ANXA8: variants seen among roughly 807,000 people sequenced by gnomAD.
The protein encoded by ANXA8 is annexin A8.
A neutral mutation model predicts 26.8 loss-of-function variants in ANXA8; 9 were observed. The ratio of observed to expected loss-of-function variants is 0.34; its 90% CI spans 0.20 to 0.59. The LOEUF (loss-of-function observed/expected upper bound fraction) is 0.59. Ranked by LOEUF, ANXA8 falls within the 20% of genes least tolerant of loss-of-function variation. The pLI is 0.84. For synonymous variants in ANXA8, 39 were observed against 94.8 expected (o/e 0.41, Z 3.42); for missense variants, 83 against 238.5 (o/e 0.35, Z 4.29).
chr10:47,554,162 G>A, the ANXA8 span, among the ~76,000 whole-genome samples: 1 of 59,392 alleles, frequency 1.7e-5, no homozygotes, highest in Admixed American at 1.9e-4. Context: ...TAAAGCCAGC[G>A]TCGTGGCAGG....
At chr10:47,737,308 G>A in the ANXA8 span, among the ~76,000 whole-genome samples, 2,146 of 151,404 alleles carry the variant, frequency 0.014, 37 homozygotes, top group African/African-American at 0.048. Flanking sequence ...ATTTATGATT[G>A]TTATATTTGT....
chr10:47,988,916 C>T, the ANXA8 span, among the ~76,000 whole-genome samples: 10 of 151,950 alleles, frequency 6.6e-5, no homozygotes, highest in Non-Finnish European at 1.3e-4. Flanking sequence ...TTGTGCTCAT[C>T]GGTGTCCACA....
At chr10:47,706,715 C>T in the ANXA8 span, 1 of 1,480,692 alleles carries the variant, frequency 6.8e-7, no homozygotes, top group Non-Finnish European at 9.2e-7. Flanking sequence ...AAAAAATGGA[C>T]GGGGGCAGCT....
chr10:47,704,659 A>G, the ANXA8 span, among the ~76,000 whole-genome samples: 1 of 151,850 alleles, frequency 6.6e-6, no homozygotes, highest in East Asian at 1.9e-4. Flanking sequence ...CAAACAAATT[A>G]TCAGAAATAA....
chr10:47,655,624 T>A, the ANXA8 span, among the ~76,000 whole-genome samples: 1 of 151,926 alleles, frequency 6.6e-6, no homozygotes, highest in East Asian at 1.9e-4. Context: ...GAGGAGCAGT[T>A]GCTGGGTATG....
At chr10:47,674,649 A>C in the ANXA8 span, among the ~76,000 whole-genome samples, 10 of 151,730 alleles carry the variant, frequency 6.6e-5, no homozygotes, top group African/African-American at 2.2e-4. Flanking sequence ...ACCCCTCCTC[A>C]AGGGCAAAGT....
At chr10:47,632,475 C>G in the ANXA8 span, among the ~76,000 whole-genome samples, 3 of 147,010 alleles carry the variant, frequency 2.0e-5, no homozygotes, top group Non-Finnish European at 4.4e-5. Context: ...TTCAAATAAT[C>G]AGTAAAGTTT....
At chr10:47,655,459 G>A in the ANXA8 span, among the ~76,000 whole-genome samples, 12 of 151,882 alleles carry the variant, frequency 7.9e-5, no homozygotes, top group Middle Eastern at 6.8e-3. Context: ...GTGACAGAGA[G>A]GGTAAGGAGG....
the ANXA8 span, among the ~76,000 whole-genome samples, chr10:47,631,726 A>T: frequency 1.3e-5 from 2 of 150,384 alleles, no homozygotes; most frequent in Admixed American, 6.6e-5. Flanking sequence ...AGTCATGGCA[A>T]TTTTTTCAGA....
At chr10:47,658,782 G>T in the ANXA8 span, among the ~76,000 whole-genome samples, 4 of 141,972 alleles carry the variant, frequency 2.8e-5, no homozygotes, top group Non-Finnish European at 6.0e-5. Flanking sequence ...ATATGTAAAA[G>T]AGATTACCAA....
chr10:47,945,738 C>T, the ANXA8 span, among the ~76,000 whole-genome samples: 1 of 131,296 alleles, frequency 7.6e-6, no homozygotes, highest in Non-Finnish European at 1.6e-5. Context: ...ACAACATCCT[C>T]AATGGTTAAG....
chr10:47,954,367 G>C, the ANXA8 span, among the ~76,000 whole-genome samples: 2 of 151,214 alleles, frequency 1.3e-5, no homozygotes, highest in African/African-American at 2.4e-5. Context: ...TGGAGATAGA[G>C]AGTGGAATGA....
chr10:47,604,289 C>CAT, the ANXA8 span, among the ~76,000 whole-genome samples: 6 of 152,074 alleles, frequency 3.9e-5, no homozygotes, highest in East Asian at 5.8e-4. Flanking sequence ...TATCACATAT[C>CAT]ATATATATAT....
the ANXA8 span, among the ~76,000 whole-genome samples, chr10:47,597,605 CA>C: frequency 4.4e-5 from 6 of 136,066 alleles, 1 homozygote; most frequent in East Asian, 1.0e-3. Flanking sequence ...TATTTCTATA[CA>C]ATGCAATATT....
the ANXA8 span, among the ~76,000 whole-genome samples, chr10:47,590,997 T>G: frequency 7.1e-6 from 1 of 140,686 alleles, no homozygotes; most frequent in South Asian, 2.2e-4. Context: ...CTGAACTGTC[T>G]CCTAGTTTCA....
At chr10:47,580,490 C>T in the ANXA8 span, among the ~76,000 whole-genome samples, 73 of 151,144 alleles carry the variant, frequency 4.8e-4, 3 homozygotes, top group African/African-American at 1.7e-3. Flanking sequence ...AATCCCAGCA[C>T]TTAGTGAGGC....
chr10:47,623,097 C>G, the ANXA8 span, among the ~76,000 whole-genome samples: 131 of 110,666 alleles, frequency 1.2e-3, 4 homozygotes, highest in East Asian at 0.024. Flanking sequence ...TAAAAATTTA[C>G]CCATCTTTTA....
chr10:47,705,915 A>C, the ANXA8 span, among the ~76,000 whole-genome samples: 2 of 145,572 alleles, frequency 1.4e-5, no homozygotes, highest in African/African-American at 2.5e-5. Flanking sequence ...GCCCCGACGC[A>C]CCCCCCGCGT....
At chr10:47,953,662 C>G in the ANXA8 span, among the ~76,000 whole-genome samples, 1 of 149,592 alleles carries the variant, frequency 6.7e-6, no homozygotes, top group African/African-American at 2.5e-5. Context: ...TGATCAATAA[C>G]CAGAATCTAT....
Sources: allele counts gnomAD v4.1 joint callset (sites outside exome capture counted in the v4.1 genomes callset), GRCh38; gene constraint gnomAD v4.1.1; transcripts MANE v1.5; gene names NCBI Gene and HGNC (gene_info 2026-07-23, HGNC 2026-07-21).